The following ZDHHC2 variants were observed in gnomAD, a reference collection of about 807,000 sequenced individuals.
ZDHHC2 encodes palmitoyltransferase ZDHHC2.
A neutral mutation model predicts 55.6 loss-of-function variants in ZDHHC2; 51 were observed. The observed-to-expected ratio is 0.92, with a 90% CI of 0.73 to 1.16. The LOEUF is 1.16. Ranked by LOEUF, ZDHHC2 falls within the 50% of genes most tolerant of loss-of-function variation. ZDHHC2 has a pLI of 0.00. For synonymous variants in ZDHHC2, 199 were observed against 152.9 expected, an observed-to-expected ratio of 1.30 and a Z score of -2.22; for missense variants, 491 against 442.4, an observed-to-expected ratio of 1.11 and a Z score of -0.99.
At position 17,199,651 on chromosome 8, in the gene ZDHHC2, TC is replaced by T. The variant is rs1468042421; in HGVS notation, c.476+1241del. Among the ~76,000 whole-genome samples the T allele has an allele frequency of 2.6e-3, 253 of 96,240 alleles. 6 individuals are homozygous for T. The highest frequency in any genetic ancestry group is 7.3e-3 in the African/African-American group (235 of 32,352). 63.1% of individuals were successfully genotyped at this position (96,240 alleles called of 152,430 possible). ...TTTCTTCTTCTTCTCCTCCTCCTCC[TC>T]CCTCCTCCCTCCTCCCTCCTTCTTC... is the stretch of plus-strand genomic sequence containing the variant. On this transcript the variant is annotated intron_variant, in intron 6 of 12. Transcript: ENST00000262096.
Position 17,210,044 on chromosome 8 carries a change from A to C in ZDHHC2, c.843A>C (p.Leu281=). The change falls in exon 9 of 13, where the codon CTA becomes CTC. Residue 281 remains leucine (L), a synonymous_variant. Transcript: ENST00000262096. ...VFGDEKKYWL[L]PIFSSLGDGC... ...GTGATGAGAAGAAGTACTGGTTGCTACCCATTTTTTCAAGGTACTTCTTTG... is the reference window on the plus strand; with the variant it reads ...GTGATGAGAAGAAGTACTGGTTGCTCCCCATTTTTTCAAGGTACTTCTTTG... 6.2e-7 allele frequency: 1 copy of C among 1,601,786 alleles called. No homozygotes were observed. The highest frequency in any genetic ancestry group is 8.5e-7 in the Non-Finnish European group (1 of 1,173,540).
At chr8:17,198,553 A>G (rs1282954383) in intron 6 of ZDHHC2, 140 bp downstream of exon 6, 1 of 765,912 alleles carries the variant, frequency 1.3e-6, no homozygotes, top group South Asian at 3.3e-5. Context: ...AGTTTCTAAT[A>G]TTTGTTTAAC....
chr8:17,185,015 T>A (rs1805638723), intron 2 of ZDHHC2, among the ~76,000 whole-genome samples, 200 bp downstream of exon 2: 1 of 152,214 alleles, frequency 6.6e-6, no homozygotes, highest in Admixed American at 6.5e-5. Flanking sequence ...GAAATGGCTG[T>A]CATTGTGCCA....
chr8:17,174,691 G>C (rs1349098244), intron 1 of ZDHHC2, among the ~76,000 whole-genome samples: 2 of 137,646 alleles, frequency 1.5e-5, no homozygotes, highest in East Asian at 2.2e-4. Context: ...TTTTGTGTTT[G>C]ATATTGTGTT....
At chr8:17,196,365 C>G (rs763521690) in intron 4 of ZDHHC2, among the ~76,000 whole-genome samples, 2 of 151,966 alleles carry the variant, frequency 1.3e-5, no homozygotes, top group Non-Finnish European at 2.9e-5. Flanking sequence ...ACACTGGTTT[C>G]AAAGACTTAG....
At chr8:17,165,080 T>G (rs949846000) in intron 1 of ZDHHC2, among the ~76,000 whole-genome samples, 13 of 152,162 alleles carry the variant, frequency 8.5e-5, no homozygotes, top group African/African-American at 3.1e-4. Flanking sequence ...GTTGGAAGTA[T>G]TTTGGTAGGA....
chr8:17,205,132 G>C (rs1428836711), intron 6 of ZDHHC2, among the ~76,000 whole-genome samples: 1 of 152,164 alleles, frequency 6.6e-6, no homozygotes, highest in Non-Finnish European at 1.5e-5. Flanking sequence ...TGACCCAGCT[G>C]TCTAACTGCC....
chr8:17,173,148 G>A (rs1469833652), intron 1 of ZDHHC2, among the ~76,000 whole-genome samples: 2 of 152,158 alleles, frequency 1.3e-5, no homozygotes, highest in Non-Finnish European at 2.9e-5. Flanking sequence ...GAGAACGGCT[G>A]CCCAGGACAA....
Position 17,198,494 on chromosome 8 carries a change from T to C in ZDHHC2, c.476+81T>C, listed in dbSNP as rs1441396409. ...AAATCACTTATCCATGTAAATCTTT[T>C]CACACATGAAATATTACTTGAGTTG... On this transcript the variant is annotated intron_variant, in intron 6 of 12. Transcript: ENST00000262096. 1.3e-5 allele frequency: 17 copies of C among 1,322,040 alleles called. No homozygotes were observed. The East Asian group carries it at 4.1e-4, about 32-fold the overall frequency. 81.9% of individuals were successfully genotyped at this position (1,322,040 alleles called of 1,614,324 possible).
intron 1 of ZDHHC2, among the ~76,000 whole-genome samples, chr8:17,158,661 A>G (rs905664395): frequency 6.6e-6 from 1 of 152,258 alleles, no homozygotes; most frequent in African/African-American, 2.4e-5. Context: ...AATCTAGAGT[A>G]TCCATAAAAT....
intron 12 of ZDHHC2, among the ~76,000 whole-genome samples, chr8:17,219,052 C>T (rs1388407816): frequency 1.3e-5 from 2 of 151,586 alleles, no homozygotes; most frequent in Non-Finnish European, 2.9e-5. Flanking sequence ...GAGCTCAAGA[C>T]CAGCCTAACC....
At chr8:17,207,931 A>G (rs1380343703) in intron 7 of ZDHHC2, 29 bp from the exon 8 acceptor site, 2 of 1,434,696 alleles carry the variant, frequency 1.4e-6, no homozygotes, top group African/African-American at 1.4e-5. Context: ...CCTTTGACAA[A>G]ACATGTTATT....
chr8:17,203,852 G>C (rs1331609666), intron 6 of ZDHHC2, among the ~76,000 whole-genome samples: 1 of 143,738 alleles, frequency 7.0e-6, no homozygotes, highest in East Asian at 2.1e-4. Flanking sequence ...TTTGTTGCCA[G>C]GCTGGAGTGC....
chr8:17,172,094 T>C (rs553985128), intron 1 of ZDHHC2, among the ~76,000 whole-genome samples: 1 of 152,236 alleles, frequency 6.6e-6, no homozygotes, highest in East Asian at 1.9e-4. Context: ...GTCTATCACC[T>C]TGTTAATAGT....
chr8:17,198,404 A>C lies in ZDHHC2; in HGVS notation c.467A>C (p.His156Pro). 1.9e-6 allele frequency: 3 copies of C among 1,602,640 alleles called. No homozygotes were observed. Among genetic ancestry groups the C allele is most frequent in the Non-Finnish European group, 2.6e-6 (3 of 1,174,838 alleles). The change falls in exon 6 of 13, where the codon CAT becomes CCT. Residue 156 changes from histidine (H) to proline (P), a missense_variant. By Grantham distance (77) the His-to-Pro change is moderately conservative (BLOSUM62 -2). Transcript: ENST00000262096. ...CDKCILKMDH[H>P]CPWVNNCVGF... ...AGATGTATTTTGAAGATGGATCATC[A>C]TTGTCCATGGTGAGTTGGCTGTATA...
chr8:17,170,178 A>G (rs955763815), intron 1 of ZDHHC2, among the ~76,000 whole-genome samples: 2 of 152,198 alleles, frequency 1.3e-5, no homozygotes, highest in Admixed American at 6.5e-5. Context: ...AAGATTGTGT[A>G]TGTTTACTTT....
chr8:17,186,917 C>T (rs575024153), intron 3 of ZDHHC2, among the ~76,000 whole-genome samples: 12 of 152,330 alleles, frequency 7.9e-5, no homozygotes, highest in African/African-American at 2.2e-4. Context: ...GCCTCCATTT[C>T]CAAGGTCCCC....
chr8:17,172,060 G>A (rs150108840), intron 1 of ZDHHC2, among the ~76,000 whole-genome samples: 64 of 152,074 alleles, frequency 4.2e-4, no homozygotes, highest in African/African-American at 1.4e-3. Flanking sequence ...GAATTCGTCC[G>A]ATTGATAAAG....
intron 1 of ZDHHC2, among the ~76,000 whole-genome samples, chr8:17,180,316 C>G (rs1276044218): frequency 6.6e-6 from 1 of 152,090 alleles, no homozygotes; most frequent in African/African-American, 2.4e-5. Flanking sequence ...ATGAAGACCA[C>G]TTTTTTGGTT....
Sources: gnomAD v4.1 joint callset for allele counts (sites outside exome capture counted in the v4.1 genomes callset) on GRCh38, gnomAD v4.1.1 for gene constraint, MANE v1.5 for transcripts, NCBI Gene and HGNC (gene_info 2026-07-23, HGNC 2026-07-21) for gene names.